The following NPAS3 variants were observed in gnomAD, a reference collection of about 807,000 sequenced individuals.
NPAS3 encodes the protein neuronal PAS domain protein 3.
A neutral mutation model predicts 73.1 loss-of-function variants in NPAS3; 14 were observed. That is an observed-to-expected ratio of 0.19 (90% CI 0.13 to 0.30). The LOEUF is 0.30. Among genes scored for constraint, NPAS3 ranks in the 10% least tolerant of loss-of-function variants. The pLI, the probability that NPAS3 is intolerant of heterozygous loss-of-function variation, is 1.00. For synonymous variants in NPAS3, 620 were observed against 541.5 expected (o/e 1.14, Z -2.01); for missense variants, 1,096 against 1,250.0 (o/e 0.88, Z 1.86).
At chr14:33,420,243 T>C (rs1422844063) in intron 4 of NPAS3, among the ~76,000 whole-genome samples, 1 of 151,928 alleles carries the variant, frequency 6.6e-6, no homozygotes, top group Non-Finnish European at 1.5e-5. Context: ...TGTTTGCATT[T>C]AGGCATTTCA....
chr14:33,231,071 T>C (rs2139771859), intron 3 of NPAS3, among the ~76,000 whole-genome samples: 1 of 152,322 alleles, frequency 6.6e-6, no homozygotes, highest in South Asian at 2.1e-4. Flanking sequence ...ATTCCTTCAG[T>C]TTAATAAGGA....
At chr14:33,345,503 A>G (rs1017031521) in intron 3 of NPAS3, among the ~76,000 whole-genome samples, 4 of 152,248 alleles carry the variant, frequency 2.6e-5, no homozygotes, top group Non-Finnish European at 4.4e-5. Context: ...AATAAAGTCA[A>G]TTGCACTGAA....
At chr14:33,801,022 G>A in exon 12 of NPAS3, 5 of 1,590,606 alleles carry the variant, frequency 3.1e-6, no homozygotes, top group Non-Finnish European at 4.3e-6. Flanking sequence ...TGTTCACCAC[G>A]GCCGAGGGAC....
chr14:33,499,730 G>A (rs1595037025), intron 4 of NPAS3, among the ~76,000 whole-genome samples: 1 of 152,040 alleles, frequency 6.6e-6, no homozygotes, highest in African/African-American at 2.4e-5. Flanking sequence ...CCAGCCCTCT[G>A]ATATTAGTAA....
At chr14:33,264,039 T>C (rs1201123305) in intron 3 of NPAS3, among the ~76,000 whole-genome samples, 2 of 152,104 alleles carry the variant, frequency 1.3e-5, no homozygotes, top group East Asian at 1.9e-4. Flanking sequence ...CCAACAATGA[T>C]AGACTGGATT....
chr14:32,982,811 G>A (rs566407604), intron 1 of NPAS3, among the ~76,000 whole-genome samples: 11 of 152,220 alleles, frequency 7.2e-5, no homozygotes, highest in East Asian at 1.9e-4. Context: ...CAATTTCCCC[G>A]GTTGCTAATA....
intron 2 of NPAS3, among the ~76,000 whole-genome samples, chr14:33,150,174 C>T (rs189226889): frequency 6.6e-6 from 1 of 152,254 alleles, no homozygotes; most frequent in Non-Finnish European, 1.5e-5. Flanking sequence ...ATCTTCTTTA[C>T]CCAGTCTATC....
At chr14:33,010,370 C>T (rs1044280997) in intron 1 of NPAS3, among the ~76,000 whole-genome samples, 2 of 152,156 alleles carry the variant, frequency 1.3e-5, no homozygotes, top group Non-Finnish European at 2.9e-5. Flanking sequence ...CCAACAAATA[C>T]AGTTTCAATA....
At chr14:33,574,544 T>C (rs959363334) in intron 5 of NPAS3, among the ~76,000 whole-genome samples, 2 of 152,044 alleles carry the variant, frequency 1.3e-5, no homozygotes, top group Non-Finnish European at 2.9e-5. Flanking sequence ...TGTTGGCCTC[T>C]CTTCCAAGCA....
intron 1 of NPAS3, among the ~76,000 whole-genome samples, chr14:32,976,071 CA>C (rs1313525773): frequency 6.6e-6 from 1 of 152,098 alleles, no homozygotes; most frequent in Non-Finnish European, 1.5e-5. Flanking sequence ...GAAAATCCTT[CA>C]GGGAGCTTGA....
chr14:33,570,926 T>C (rs1275531704), intron 5 of NPAS3, among the ~76,000 whole-genome samples: 1 of 152,154 alleles, frequency 6.6e-6, no homozygotes, highest in Non-Finnish European at 1.5e-5. Flanking sequence ...TTTGAGCTGT[T>C]TGGGGGCATC....
chr14:32,966,029 C>A (rs2037140645), intron 1 of NPAS3, among the ~76,000 whole-genome samples: 1 of 151,946 alleles, frequency 6.6e-6, no homozygotes, highest in South Asian at 2.1e-4. Flanking sequence ...AACTATAAAA[C>A]ATTGATGAAA....
chr14:33,338,099 C>A (rs1025142311), intron 3 of NPAS3, among the ~76,000 whole-genome samples: 1 of 151,942 alleles, frequency 6.6e-6, no homozygotes, highest in South Asian at 2.1e-4. Context: ...GTTAGAACCT[C>A]TAGTACAGTG....
intron 3 of NPAS3, among the ~76,000 whole-genome samples, chr14:33,321,986 A>G (rs937523055): frequency 4.6e-5 from 7 of 152,110 alleles, no homozygotes; most frequent in Admixed American, 4.6e-4. Flanking sequence ...TGCAGGACTG[A>G]ATGAGCCAGT....
At chr14:33,465,302 T>G (rs2050455368) in intron 4 of NPAS3, among the ~76,000 whole-genome samples, 1 of 152,200 alleles carries the variant, frequency 6.6e-6, no homozygotes, top group Non-Finnish European at 1.5e-5. Context: ...TTTAAACACG[T>G]AATTTTATTA....
exon 11 of NPAS3, chr14:33,797,540 C>G (rs932333814): frequency 6.2e-7 from 1 of 1,614,020 alleles, no homozygotes; most frequent in Non-Finnish European, 8.5e-7. Context: ...TCGGAGACAT[C>G]CGACTCTGAG....
At chr14:33,283,454 T>C (rs2041712715) in intron 3 of NPAS3, among the ~76,000 whole-genome samples, 1 of 152,214 alleles carries the variant, frequency 6.6e-6, no homozygotes, top group South Asian at 2.1e-4. Context: ...ACTGAAGTGC[T>C]ATCACTATCA....
At chr14:33,794,609 A>ATTT (rs2063458565) in intron 10 of NPAS3, among the ~76,000 whole-genome samples, 4 of 88,778 alleles carry the variant, frequency 4.5e-5, no homozygotes, top group Admixed American at 3.1e-4. Flanking sequence ...AAATGAAGGC[A>ATTT]ATTTTTTTTT....
chr14:33,684,032 A>G (rs150651497), intron 6 of NPAS3, among the ~76,000 whole-genome samples: 6 of 151,712 alleles, frequency 4.0e-5, no homozygotes, highest in Non-Finnish European at 7.4e-5. Context: ...TTCACAGGTT[A>G]GTTTTGTGGC....
Sources: allele counts gnomAD v4.1 joint callset (sites outside exome capture counted in the v4.1 genomes callset), GRCh38; gene constraint gnomAD v4.1.1; transcripts MANE v1.5; gene names NCBI Gene and HGNC (gene_info 2026-07-23, HGNC 2026-07-21).